Variants in RNF138 observed in about 807,000 individuals in gnomAD.
The protein encoded by RNF138 is E3 ubiquitin-protein ligase RNF138.
In RNF138, 12 loss-of-function variants were observed where a neutral mutation model predicts 31.0. That is an observed-to-expected ratio of 0.39 (90% confidence interval 0.25 to 0.63). The LOEUF (loss-of-function observed/expected upper bound fraction) is 0.63. Ranked by LOEUF, RNF138 falls within the 20% of genes least tolerant of loss-of-function variation. The probability of loss-of-function intolerance (pLI) is 0.52; values close to 1 mark genes in which losing one functional copy is unlikely to be tolerated. For synonymous variants in RNF138, 105 were observed against 99.5 expected (o/e 1.06, Z -0.33); for missense variants, 192 against 300.1 (o/e 0.64, Z 2.66).
chr18:32,109,457 A>G (rs1023515431), intron 2 of RNF138: 1 of 151,948 alleles, frequency 6.6e-6, no homozygotes, highest in African/African-American at 2.4e-5. Context: ...CTATTTTTTT[A>G]GAGACAGGGT....
intron 5 of RNF138, among the ~76,000 whole-genome samples, 199 bp downstream of exon 5, chr18:32,123,773 C>T (rs756211890): frequency 2.0e-5 from 3 of 151,706 alleles, no homozygotes; most frequent in Non-Finnish European, 2.9e-5. Context: ...CTGCCTCAGC[C>T]TCCCAAGTAT....
intron 2 of RNF138, among the ~76,000 whole-genome samples, chr18:32,100,896 C>T (rs568447301): frequency 3.3e-5 from 5 of 152,248 alleles, no homozygotes; most frequent in African/African-American, 1.2e-4. Flanking sequence ...TGAGCCACTG[C>T]GCCTGGCCTG....
At chr18:32,101,277 C>T (rs1337906398) in intron 2 of RNF138, among the ~76,000 whole-genome samples, 1 of 150,242 alleles carries the variant, frequency 6.7e-6, no homozygotes, top group African/African-American at 2.5e-5. Context: ...TGCAGTGGCA[C>T]ACGCAGTCTT....
intron 4 of RNF138, among the ~76,000 whole-genome samples, chr18:32,118,654 C>T (rs1343152190): frequency 6.6e-6 from 1 of 151,830 alleles, no homozygotes; most frequent in Non-Finnish European, 1.5e-5. Flanking sequence ...CATGGTGAAA[C>T]CTTGTCTCTC....
chr18:32,098,994 T>C (rs957898468), intron 2 of RNF138, among the ~76,000 whole-genome samples: 12 of 152,118 alleles, frequency 7.9e-5, no homozygotes, highest in African/African-American at 2.9e-4. Context: ...TGCCAGATTT[T>C]AAATTATTTA....
At position 32,131,474 on chromosome 18, in the gene RNF138, A is replaced by G. The variant is rs927945539; in HGVS notation, c.*2287A>G. ...TTTCACAATACCACTTAGGAAAGCT[A>G]TTTCAACAAATTACAGTTTTATTGT... is the stretch of plus-strand genomic sequence containing the variant. On this transcript the variant is annotated 3_prime_UTR_variant, in exon 8 of 8. Transcript: ENST00000261593. 50 of 152,332 alleles carry G rather than the reference A, an allele frequency of 3.3e-4. No individual in the cohort carries two copies. Among genetic ancestry groups the G allele is most frequent in the South Asian group, 2.1e-4 (1 of 4,832 alleles). The allele number at this position is 152,332 out of a possible 1,614,324, so 9.4% of individuals were successfully genotyped here.
chr18:32,112,184 A>G (rs1205989800), intron 3 of RNF138, among the ~76,000 whole-genome samples: 1 of 152,134 alleles, frequency 6.6e-6, no homozygotes, highest in Non-Finnish European at 1.5e-5. Context: ...CTCATTGATT[A>G]CTTGCTAAAG....
At chr18:32,124,252 T>C (rs2144286640) in intron 5 of RNF138, 1 of 153,598 alleles carries the variant, frequency 6.5e-6, no homozygotes, top group African/African-American at 2.4e-5. Context: ...TTTCTTTTCC[T>C]TTGAATTTTG....
chr18:32,117,705 T>C lies in RNF138; in HGVS notation c.392+3845T>C, dbSNP rs140025617. On this transcript the variant is annotated intron_variant, in intron 4 of 7. Coordinates refer to ENST00000261593, the MANE Select transcript of RNF138 (RefSeq NM_016271.5). Reference sequence around the variant, plus strand: ...ATAATCTGTGTCACTTTCATTCATATCATTCAGAGTAGTACTGTTTACTGT... The same window carrying C: ...ATAATCTGTGTCACTTTCATTCATACCATTCAGAGTAGTACTGTTTACTGT... Among the ~76,000 whole-genome samples the C allele has an allele frequency of 3.5e-3, 533 of 152,342 alleles. 4 individuals carry two copies. Among genetic ancestry groups the C allele is most frequent in the African/African-American group, 0.012 (513 of 41,582 alleles).
rs182510968 is a variant in RNF138 at position 32,106,190 on chromosome 18, G to T, written c.111-5564G>T. On this transcript the variant is annotated intron_variant, in intron 2 of 7. Coordinates refer to ENST00000261593, the MANE Select transcript of RNF138 (RefSeq NM_016271.5). ...AATTGTTCGTATTTTTATTTGGATT[G>T]TTTGGGTTTTGTTAGTAGTCTGGCG... Among the ~76,000 whole-genome samples the T allele has an allele frequency of 3.6e-3, 545 of 152,272 alleles. 2 individuals carry two copies. The highest frequency in any genetic ancestry group is 5.9e-3 in the Admixed American group (90 of 15,298).
intron 4 of RNF138, among the ~76,000 whole-genome samples, chr18:32,119,040 T>C (rs964146463): frequency 6.6e-6 from 1 of 152,212 alleles, no homozygotes; most frequent in African/African-American, 2.4e-5. Context: ...TCTTAAACTT[T>C]AAAAGCTGAG....
rs2040478169 is a variant in RNF138, at chr18:32,131,462, C to T, written c.*2275C>T. ...CCAATACCTAAATTTCACAATACCA[C>T]TTAGGAAAGCTATTTCAACAAATTA... is the stretch of plus-strand genomic sequence containing the variant. On this transcript the variant is annotated 3_prime_UTR_variant, in exon 8 of 8. Coordinates refer to ENST00000261593, the MANE Select transcript of RNF138 (RefSeq NM_016271.5). The T allele has an allele frequency of 6.6e-6, 1 of 152,128 alleles. No individual in the cohort carries two copies. Among genetic ancestry groups the T allele is most frequent in the Non-Finnish European group, 1.5e-5 (1 of 68,006 alleles). The allele number at this position is 152,128 out of a possible 1,614,324, so 9.4% of individuals were successfully genotyped here.
chr18:32,107,364 G>A (rs758940947), intron 2 of RNF138, among the ~76,000 whole-genome samples: 7 of 150,890 alleles, frequency 4.6e-5, no homozygotes, highest in East Asian at 2.0e-4. Flanking sequence ...CAGGCAGTCC[G>A]CCCTCCTCGG....
At chr18:32,110,120 G>A (rs558524359) in intron 2 of RNF138, among the ~76,000 whole-genome samples, 92 of 152,062 alleles carry the variant, frequency 6.1e-4, no homozygotes, top group African/African-American at 2.1e-3. Context: ...TGAGTAGCTG[G>A]GACTGGACGT....
intron 2 of RNF138, among the ~76,000 whole-genome samples, chr18:32,094,207 T>TC (rs1215666119): frequency 7.9e-6 from 1 of 127,344 alleles, no homozygotes; most frequent in Non-Finnish European, 1.8e-5. Context: ...GACTTTTTTT[T>TC]CTTTTTTTTT....
intron 4 of RNF138, among the ~76,000 whole-genome samples, chr18:32,115,903 C>G (rs891589837): frequency 1.3e-5 from 2 of 152,174 alleles, no homozygotes; most frequent in African/African-American, 4.8e-5. Context: ...TTTGTTCCCT[C>G]TCTTTGCCAT....
intron 2 of RNF138, among the ~76,000 whole-genome samples, chr18:32,108,268 C>T (rs1419511647): frequency 1.3e-5 from 2 of 152,126 alleles, no homozygotes; most frequent in African/African-American, 4.8e-5. Flanking sequence ...CCATTCAACA[C>T]CTATGTCAAG....
intron 2 of RNF138, among the ~76,000 whole-genome samples, chr18:32,100,767 C>T (rs575015191): frequency 4.6e-5 from 7 of 152,214 alleles, no homozygotes; most frequent in African/African-American, 1.2e-4. Context: ...TGAGCCCCCG[C>T]GCCCGGCCTG....
chr18:32,109,836 A>G (rs944841956), intron 2 of RNF138, among the ~76,000 whole-genome samples: 27 of 152,198 alleles, frequency 1.8e-4, no homozygotes, highest in African/African-American at 6.3e-4. Flanking sequence ...CAGTGAGCCA[A>G]GATCGCACCA....
Sources: allele counts gnomAD v4.1 joint callset (sites outside exome capture counted in the v4.1 genomes callset), GRCh38; gene constraint gnomAD v4.1.1; transcripts MANE v1.5; gene names NCBI Gene and HGNC (gene_info 2026-07-23, HGNC 2026-07-21).